Variants in DQX1 observed in about 807,000 individuals in gnomAD.
The protein encoded by DQX1 is DEAQ-box RNA dependent ATPase 1, also known as ATP-dependent RNA helicase homolog DQX1.
In DQX1, 66 loss-of-function variants were observed where a neutral mutation model predicts 81.3. The observed-to-expected ratio is 0.81, with a 90% confidence interval of 0.67 to 1.00. The LOEUF is 1.00. Among genes scored for constraint, DQX1 ranks in the 50% least tolerant of loss-of-function variants. The probability of loss-of-function intolerance (pLI) is 0.00; values close to 1 mark genes in which losing one functional copy is unlikely to be tolerated. For missense variants in DQX1, 798 were observed against 867.9 expected, an observed-to-expected ratio of 0.92 and a Z score of 1.01; for synonymous variants, 290 against 350.0, an observed-to-expected ratio of 0.83 and a Z score of 1.91.
intron 11 of DQX1, 25 bp downstream of exon 11, chr2:74,519,015 A>G (rs1451857004): frequency 1.9e-6 from 3 of 1,552,260 alleles, no homozygotes; most frequent in Non-Finnish European, 1.7e-6. Context: ...AATAGGCAGT[A>G]TAGGAGGGAT....
chr2:74,524,371 G>C, intron 3 of DQX1, 64 bp from the exon 4 acceptor site: 1 of 1,539,530 alleles, frequency 6.5e-7, no homozygotes, highest in Non-Finnish European at 8.7e-7. Flanking sequence ...CAAGCTCAGG[G>C]AATCTTCTCC....
At chr2:74,522,801 G>A (rs1387815634) in intron 7 of DQX1, 30 bp from the exon 8 acceptor site, 2 of 1,613,154 alleles carry the variant, frequency 1.2e-6, no homozygotes, top group Non-Finnish European at 1.7e-6. Flanking sequence ...TACAGGATAT[G>A]AAGTTTCAGA....
intron 7 of DQX1, 42 bp downstream of exon 7, chr2:74,522,814 T>C (rs766253248): frequency 6.2e-6 from 10 of 1,612,508 alleles, no homozygotes; most frequent in Non-Finnish European, 7.6e-6. Context: ...GTTTCAGAAC[T>C]GGGTGGTCAG....
rs1675021111 is a variant in DQX1 at position 74,521,507 on chromosome 2, G to A, written c.1495+1073C>T. ...TCTACTAAAAATACAAGAATCAGCT[G>A]GGCATGGTGGTGCGTGCCTGTAGTC... On this transcript the variant is annotated intron_variant, in intron 8 of 11. Coordinates refer to ENST00000404568, the MANE Select transcript of DQX1 (RefSeq NM_133637.3). 5.3e-5 allele frequency among the ~76,000 whole-genome samples: 8 copies of A among 152,150 alleles called. No homozygotes were observed. In the South Asian group the frequency reaches 1.7e-3, roughly 32 times the overall value.
chr2:74,519,541 A>C lies in DQX1; in HGVS notation c.1806+15T>G, dbSNP rs753085539. The C allele has an allele frequency of 3.7e-6, 6 of 1,612,986 alleles. No homozygotes were observed. The highest frequency in any genetic ancestry group is 5.1e-6 in the Non-Finnish European group (6 of 1,179,128). On this transcript the variant is annotated intron_variant, in intron 10 of 11. Coordinates refer to ENST00000404568, the MANE Select transcript of DQX1 (RefSeq NM_133637.3). Reference sequence around the variant, plus strand: ...TGCTCCTTTGATCACCCTCACCCCCACCCTTTCCTCTAACCTTGAGAAAGT... The same window carrying C: ...TGCTCCTTTGATCACCCTCACCCCCCCCCTTTCCTCTAACCTTGAGAAAGT...
At chr2:74,520,400 A>G (rs1674993668) in intron 8 of DQX1, among the ~76,000 whole-genome samples, 1 of 152,220 alleles carries the variant, frequency 6.6e-6, no homozygotes, top group Admixed American at 6.5e-5. Context: ...AGTATTTGAA[A>G]TTTGAGTAGG....
At position 74,519,178 on chromosome 2, in the gene DQX1, T is replaced by G. The variant is rs938315308; in HGVS notation, c.1859A>C (p.His620Pro). The change falls in exon 11 of 12, where the codon CAT (histidine) becomes CCT (proline). Residue 620 changes from histidine to proline, a missense_variant. Coordinates refer to ENST00000404568, the MANE Select transcript of DQX1 (RefSeq NM_133637.3). ...GCAGTATGAGGAGAGCTGGGCCACATGCTTATGGGTTAGGAGAAGGTAATT... is the reference window on the plus strand; with the variant it reads ...GCAGTATGAGGAGAGCTGGGCCACAGGCTTATGGGTTAGGAGAAGGTAATT... The part of the protein sequence containing the change: ...TGNYLLLTHK[H>P]VAQLSSYCCY... 1.9e-6 allele frequency: 3 copies of G among 1,610,720 alleles called. No individual in the cohort carries two copies. Among genetic ancestry groups the G allele is most frequent in the Non-Finnish European group, 2.5e-6 (3 of 1,178,282 alleles).
intron 11 of DQX1, among the ~76,000 whole-genome samples, 195 bp downstream of exon 11, chr2:74,518,845 A>C (rs1674953685): frequency 6.6e-6 from 1 of 152,194 alleles, no homozygotes; most frequent in South Asian, 2.1e-4. Flanking sequence ...CCTCCTGCCT[A>C]GGTCTCCAAA....
chr2:74,520,017 G>A lies in DQX1; in HGVS notation c.1513C>T (p.Arg505Cys), dbSNP rs777023468. 18 of 1,613,064 alleles carry A rather than the reference G, an allele frequency of 1.1e-5. 1 individual carries two copies. The highest frequency in any genetic ancestry group is 9.9e-5 in the South Asian group (9 of 91,002). Residue 505 changes from arginine to cysteine, a missense_variant, in exon 9 of 12, where the codon CGT becomes TGT. Physicochemically the swap from Arg to Cys is radical, Grantham distance 180. Transcript: ENST00000404568. The part of the protein sequence containing the change: ...AMLTAAPGFT[R>C]PPLSAEEAAL... ...GCTTCTTCTGCACTGAGTGGAGGAC[G>A]GGTAAACCCAGGGGCAGCTGGAGGC... is the stretch of plus-strand genomic sequence containing the variant.
chr2:74,522,854 A>G lies in DQX1; in HGVS notation c.1303+2T>C. ...CAGTGCTTGGGCAGGAGAGGTGCTC[A>G]CCAGGCTGGTCCAGGAAGTGACACT... On this transcript the variant is annotated splice_donor_variant, in intron 7 of 11. Coordinates refer to ENST00000404568, the MANE Select transcript of DQX1 (RefSeq NM_133637.3). LOFTEE classifies it high-confidence loss of function. The G allele has an allele frequency of 6.2e-7, 1 of 1,613,680 alleles. No individual in the cohort carries two copies. The highest frequency in any genetic ancestry group is 8.5e-7 in the Non-Finnish European group (1 of 1,179,604).
rs146840492 is a variant in DQX1, at chr2:74,523,126, G to A, written c.1137C>T (p.Phe379=). ...AEARRLRARG[F]PPGSCLCLYP... is the part of the protein sequence containing the mutation. ...GAGGGCAAAGGCTCTTACCTGGTGGGAACCCTCTTGCTCGCAATCGTCTTG... is the reference window on the plus strand; with the variant it reads ...GAGGGCAAAGGCTCTTACCTGGTGGAAACCCTCTTGCTCGCAATCGTCTTG... The change falls in exon 6 of 12, where the codon TTC becomes TTT. Residue 379 remains phenylalanine (F), a synonymous_variant. Transcript: ENST00000404568. The A allele has an allele frequency of 1.9e-4, 304 of 1,614,182 alleles. No homozygotes were observed. The highest frequency in any genetic ancestry group is 9.9e-4 in the Middle Eastern group (6 of 6,062).
At chr2:74,522,441 G>T in intron 8 of DQX1, 139 bp downstream of exon 8, 1 of 1,013,270 alleles carries the variant, frequency 9.9e-7, no homozygotes, top group Non-Finnish European at 1.4e-6. Context: ...GGAGATGGGT[G>T]ACTAAGCCTG....
intron 6 of DQX1, 25 bp from the exon 7 acceptor site, chr2:74,523,039 G>C: frequency 6.2e-7 from 1 of 1,613,946 alleles, no homozygotes; most frequent in Non-Finnish European, 8.5e-7. Flanking sequence ...ACCTGGGAAA[G>C]AAGACCACTG....
rs777327109 is a variant in DQX1 at position 74,523,146 on chromosome 2, G to A, written c.1117C>T (p.Arg373Ter). Residue 373 changes from arginine to a stop codon, truncating the protein, a stop_gained, in exon 6 of 12, where the codon CGA (arginine) becomes TGA (stop). Transcript: ENST00000404568. LOFTEE classifies it high-confidence loss of function. ...PISKCQAEAR[R>*]LRARGFPPGS... ...GGTGGGAACCCTCTTGCTCGCAATC[G>A]TCTTGCCTCTGCCTGACACTTGCTG... The A allele has an allele frequency of 7.4e-6, 12 of 1,614,172 alleles. No individual in the cohort carries two copies. Among genetic ancestry groups the A allele is most frequent in the African/African-American group, 1.3e-5 (1 of 75,034 alleles).
intron 11 of DQX1, among the ~76,000 whole-genome samples, 160 bp downstream of exon 11, chr2:74,518,880 A>T (rs1409292512): frequency 4.6e-5 from 7 of 152,174 alleles, no homozygotes; most frequent in Non-Finnish European, 1.0e-4. Flanking sequence ...TATAATGCAG[A>T]CTTTTAAACT....
Position 74,518,224 on chromosome 2 carries a change from C to A in DQX1, c.*222G>T. The A allele has an allele frequency of 2.0e-6, 1 of 502,222 alleles. No individual in the cohort carries two copies. The highest frequency in any genetic ancestry group is 3.1e-5 in the East Asian group (1 of 31,956). 31.1% of individuals were successfully genotyped at this position (502,222 alleles called of 1,614,324 possible). On this transcript the variant is annotated 3_prime_UTR_variant, in exon 12 of 12. Coordinates refer to ENST00000404568, the MANE Select transcript of DQX1 (RefSeq NM_133637.3). ...AATGAGGAGCATGTCAGTCCCTCTCCAATCAATAAGAGAAGGCTAAGGAAA... is the reference window on the plus strand; with the variant it reads ...AATGAGGAGCATGTCAGTCCCTCTCAAATCAATAAGAGAAGGCTAAGGAAA...
chr2:74,523,770 T>C (rs1303798150), intron 4 of DQX1, 153 bp downstream of exon 4: 4 of 1,257,878 alleles, frequency 3.2e-6, no homozygotes, highest in Non-Finnish European at 3.2e-6. Flanking sequence ...AGTTTTTCTC[T>C]GGGACCCCAA....
rs1416083090 is a variant in DQX1 at position 74,518,499 on chromosome 2, C to T, written c.2101G>A (p.Gly701Arg). ...LREGMADSTA[G>R]SKSSSAQEFR... Reference sequence around the variant, plus strand: ...TCCTGGGCTGAGGATGATTTGCTCCCTGCTGTAGAATCTGCCATTCCTTCC... The same window carrying T: ...TCCTGGGCTGAGGATGATTTGCTCCTTGCTGTAGAATCTGCCATTCCTTCC... The change falls in exon 12 of 12, where the codon GGG becomes AGG. Residue 701 changes from glycine to arginine, a missense_variant. Physicochemically the swap from Gly to Arg is moderately radical, Grantham distance 125 (BLOSUM62 -2). Transcript: ENST00000404568. 2 of 1,614,266 alleles carry T rather than the reference C, an allele frequency of 1.2e-6. No individual in the cohort carries two copies. The highest frequency in any genetic ancestry group is 2.2e-5 in the South Asian group (2 of 91,084).
intron 9 of DQX1, 79 bp downstream of exon 9, chr2:74,519,836 A>C: frequency 6.2e-7 from 1 of 1,602,590 alleles, no homozygotes; most frequent in South Asian, 1.1e-5. Flanking sequence ...CTTTCTGAGC[A>C]TAGAGATCTG....
Sources: allele counts gnomAD v4.1 joint callset (sites outside exome capture counted in the v4.1 genomes callset), GRCh38; gene constraint gnomAD v4.1.1; transcripts MANE v1.5; gene names NCBI Gene and HGNC (gene_info 2026-07-23, HGNC 2026-07-21).